MAP7: variants seen among roughly 807,000 people sequenced by gnomAD.
MAP7 encodes the protein microtubule associated protein 7, also known as ensconsin.
In MAP7, 52 loss-of-function variants were observed where a neutral mutation model predicts 94.8. That is an observed-to-expected ratio of 0.55 (90% CI 0.44 to 0.69). The LOEUF (loss-of-function observed/expected upper bound fraction) is 0.69. MAP7 is among the 30% of genes least tolerant of loss of function. The pLI is 0.00. For synonymous variants in MAP7, 350 were observed against 357.0 expected (o/e 0.98, Z 0.22); for missense variants, 940 against 964.6 (o/e 0.97, Z 0.34).
intron 1 of MAP7, among the ~76,000 whole-genome samples, chr6:136,511,252 A>G (rs1166443654): frequency 6.6e-6 from 1 of 152,166 alleles, no homozygotes; most frequent in Non-Finnish European, 1.5e-5. Context: ...GGGAAGTTAT[A>G]GGATTCTGAA....
intron 1 of MAP7, among the ~76,000 whole-genome samples, chr6:136,443,805 T>C (rs936671115): frequency 1.3e-5 from 2 of 152,124 alleles, no homozygotes; most frequent in African/African-American, 4.8e-5. Flanking sequence ...ATGTGGCTTA[T>C]TGTTAAGGGG....
At chr6:136,345,788 G>A (rs768671310) in intron 17 of MAP7, 68 bp downstream of exon 17, 13 of 1,210,312 alleles carry the variant, frequency 1.1e-5, no homozygotes, top group African/African-American at 1.5e-5. Context: ...GTAGAAGGCA[G>A]CAGTTCGTGT....
rs1330906480 is a variant in MAP7 at position 136,344,192 on chromosome 6, C to T, written c.*36G>A. The T allele has an allele frequency of 1.7e-6, 2 of 1,194,150 alleles. No homozygotes were observed. Among genetic ancestry groups the T allele is most frequent in the Non-Finnish European group, 2.3e-6 (2 of 887,750 alleles). 74.0% of individuals were successfully genotyped at this position (1,194,150 alleles called of 1,614,324 possible). On this transcript the variant is annotated 3_prime_UTR_variant, in exon 18 of 18. Coordinates refer to ENST00000354570, the MANE Select transcript of MAP7 (RefSeq NM_003980.6). ...GAATTCCATTAATTGTAGAAATTCT[C>T]ATTAAATTTCAGCTTTGGTTCTTCA...
At chr6:136,473,039 T>G (rs1221100435) in intron 1 of MAP7, among the ~76,000 whole-genome samples, 1 of 152,190 alleles carries the variant, frequency 6.6e-6, no homozygotes, top group Non-Finnish European at 1.5e-5. Flanking sequence ...ATATGCCTCA[T>G]GATTTCCTTC....
intron 6 of MAP7, among the ~76,000 whole-genome samples, chr6:136,382,790 T>G (rs1336043540): frequency 6.6e-6 from 1 of 152,138 alleles, no homozygotes; most frequent in Non-Finnish European, 1.5e-5. Flanking sequence ...TTAAAGATTA[T>G]AAACACTGAA....
intron 6 of MAP7, among the ~76,000 whole-genome samples, chr6:136,381,877 T>TACACAAACACACACACAC (rs1390424443): frequency 1.1e-5 from 1 of 92,956 alleles, no homozygotes; most frequent in African/African-American, 4.8e-5. Context: ...CTTCTAACCT[T>TACACAAACACACACACAC]ACACACACAC....
chr6:136,361,738 TAAAC>T (rs1431848324), intron 11 of MAP7, among the ~76,000 whole-genome samples: 1 of 152,228 alleles, frequency 6.6e-6, no homozygotes, highest in Non-Finnish European at 1.5e-5. Flanking sequence ...GATGACCAAT[TAAAC>T]AAACTGTTTC....
At chr6:136,356,666 T>C in intron 16 of MAP7, 26 bp downstream of exon 16, 1 of 1,568,674 alleles carries the variant, frequency 6.4e-7, no homozygotes, top group Non-Finnish European at 8.8e-7. Flanking sequence ...AATGTTTTAC[T>C]TTAATGAATG....
chr6:136,379,312 A>G (rs1171984499), intron 6 of MAP7, among the ~76,000 whole-genome samples: 1 of 152,232 alleles, frequency 6.6e-6, no homozygotes, highest in South Asian at 2.1e-4. Flanking sequence ...AAATATTTTG[A>G]TCAGGCTCTG....
chr6:136,485,555 A>AGTTTTTTTT (rs1814383632), intron 1 of MAP7, among the ~76,000 whole-genome samples: 1 of 98,158 alleles, frequency 1.0e-5, no homozygotes, highest in Admixed American at 1.3e-4. Context: ...TCCACTTCAG[A>AGTTTTTTTT]TTTTTTTTTT....
rs147050018 is a variant in MAP7 at position 136,439,246 on chromosome 6, A to G, written c.68-17447T>C. 3.9e-3 allele frequency among the ~76,000 whole-genome samples: 596 copies of G among 152,270 alleles called. 5 individuals carry two copies. The highest frequency in any genetic ancestry group is 0.014 in the African/African-American group (573 of 41,558). ...GAGGCTGGGATTAGTACCCTTATAA[A>G]AAGGGCTCAAGGGTACTAGCTAAGC... On this transcript the variant is annotated intron_variant, in intron 1 of 17. Transcript: ENST00000354570.
intron 15 of MAP7, among the ~76,000 whole-genome samples, chr6:136,357,378 G>A (rs1791308119): frequency 6.6e-6 from 1 of 152,168 alleles, no homozygotes; most frequent in African/African-American, 2.4e-5. Flanking sequence ...CTAAAATACA[G>A]GACAGGGTTA....
chr6:136,460,749 T>C (rs956486165), intron 1 of MAP7, among the ~76,000 whole-genome samples: 1 of 152,032 alleles, frequency 6.6e-6, no homozygotes, highest in Non-Finnish European at 1.5e-5. Context: ...AGCTGTAGAG[T>C]TGCTGTCATA....
At chr6:136,431,970 C>A (rs1395052522) in intron 1 of MAP7, among the ~76,000 whole-genome samples, 1 of 152,180 alleles carries the variant, frequency 6.6e-6, no homozygotes, top group Non-Finnish European at 1.5e-5. Context: ...TACACCTCTC[C>A]TTTTCTTCCT....
chr6:136,348,677 T>C (rs1450193326), intron 16 of MAP7, among the ~76,000 whole-genome samples: 1 of 152,198 alleles, frequency 6.6e-6, no homozygotes. Context: ...TTGATATTTA[T>C]TAATTATGTT....
chr6:136,380,450 G>A (rs1232949193), intron 6 of MAP7, among the ~76,000 whole-genome samples: 1 of 152,180 alleles, frequency 6.6e-6, no homozygotes, highest in Non-Finnish European at 1.5e-5. Flanking sequence ...AAACAACACT[G>A]CTCAGGTAAA....
rs751484056 is a variant in MAP7 at position 136,370,992 on chromosome 6, C to G, written c.876+1509G>C. On this transcript the variant is annotated intron_variant, in intron 8 of 17. Transcript: ENST00000354570. ...TCAGTAGCCACTTTCCAAGTGCTCA[C>G]TGTGGCCAGTCACTACTGAATTCCA... Among the ~76,000 whole-genome samples, 9 of 152,082 alleles carry G rather than the reference C, an allele frequency of 5.9e-5. No individual in the cohort carries two copies. In the East Asian group the frequency reaches 1.4e-3, roughly 23 times the overall value.
At chr6:136,347,001 C>T (rs561583192) in intron 16 of MAP7, among the ~76,000 whole-genome samples, 3 of 152,310 alleles carry the variant, frequency 2.0e-5, no homozygotes, top group South Asian at 4.1e-4. Flanking sequence ...CTGACCTCAT[C>T]TTGATCCTTA....
intron 1 of MAP7, among the ~76,000 whole-genome samples, chr6:136,509,041 C>A (rs912755640): frequency 4.6e-5 from 7 of 152,180 alleles, no homozygotes; most frequent in Admixed American, 1.3e-4. Context: ...AAGATATAGA[C>A]CAGTAATTAT....
Sources: allele counts gnomAD v4.1 joint callset (sites outside exome capture counted in the v4.1 genomes callset), GRCh38; gene constraint gnomAD v4.1.1; transcripts MANE v1.5; gene names NCBI Gene and HGNC (gene_info 2026-07-23, HGNC 2026-07-21).